The following VTA1 variants were observed in gnomAD, a reference collection of about 807,000 sequenced individuals.
VTA1 encodes the protein vesicle trafficking 1.
Under a neutral mutation model 36.9 loss-of-function variants are expected in VTA1, and 24 were observed. That is an observed-to-expected ratio of 0.65 (90% CI 0.47 to 0.91). The LOEUF is 0.91. Among genes scored for constraint, VTA1 ranks in the 40% least tolerant of loss-of-function variants. VTA1 has a pLI of 0.00. For synonymous variants in VTA1, 142 were observed against 130.2 expected, an observed-to-expected ratio of 1.09 and a Z score of -0.62; for missense variants, 393 against 377.2, an observed-to-expected ratio of 1.04 and a Z score of -0.35.
intron 7 of VTA1, among the ~76,000 whole-genome samples, chr6:142,217,667 T>G (rs1219004208): frequency 6.6e-6 from 1 of 152,026 alleles, no homozygotes; most frequent in Non-Finnish European, 1.5e-5. Context: ...TTGAAATATG[T>G]TGTCTGCTTG....
intron 1 of VTA1, among the ~76,000 whole-genome samples, chr6:142,160,573 T>G (rs942182959): frequency 3.9e-5 from 6 of 152,062 alleles, no homozygotes; most frequent in Non-Finnish European, 7.4e-5. Context: ...AGAGGACTGT[T>G]TTCTGCTTGG....
At chr6:142,174,758 G>A (rs575545694) in intron 4 of VTA1, among the ~76,000 whole-genome samples, 9 of 152,240 alleles carry the variant, frequency 5.9e-5, no homozygotes, top group African/African-American at 1.2e-4. Flanking sequence ...GAATGGCTTG[G>A]TGCCCTCCCC....
intron 5 of VTA1, among the ~76,000 whole-genome samples, chr6:142,195,064 A>G (rs1176785760): frequency 6.6e-6 from 1 of 152,114 alleles, no homozygotes; most frequent in Non-Finnish European, 1.5e-5. Flanking sequence ...ACATTTCAGT[A>G]TTGGTGAGGT....
chr6:142,213,852 C>T (rs566532411), intron 7 of VTA1, among the ~76,000 whole-genome samples: 1 of 152,294 alleles, frequency 6.6e-6, no homozygotes, highest in South Asian at 2.1e-4. Flanking sequence ...CCTTCTAGAT[C>T]TCCAACCTGT....
intron 6 of VTA1, among the ~76,000 whole-genome samples, chr6:142,199,538 A>G (rs988664266): frequency 1.3e-5 from 2 of 151,830 alleles, no homozygotes; most frequent in African/African-American, 4.8e-5. Context: ...ACACACTACT[A>G]CTTTACTTTT....
chr6:142,155,826 T>G (rs1778651562), intron 1 of VTA1, among the ~76,000 whole-genome samples: 1 of 152,136 alleles, frequency 6.6e-6, no homozygotes, highest in Admixed American at 6.5e-5. Flanking sequence ...AGTTTTAAGG[T>G]GTTTCTTTTT....
intron 4 of VTA1, among the ~76,000 whole-genome samples, chr6:142,185,674 A>G (rs949681767): frequency 2.0e-5 from 3 of 152,238 alleles, no homozygotes; most frequent in Non-Finnish European, 4.4e-5. Flanking sequence ...AAAGGAAGAA[A>G]AAGGTGAACC....
At chr6:142,163,885 A>G (rs1774861836) in intron 1 of VTA1, among the ~76,000 whole-genome samples, 1 of 152,146 alleles carries the variant, frequency 6.6e-6, no homozygotes, top group South Asian at 2.1e-4. Flanking sequence ...TTGATGTACT[A>G]ATACTGTATT....
rs371898213 is a variant in VTA1 at position 142,199,138 on chromosome 6, AT to A, written c.697+535del. On this transcript the variant is annotated intron_variant, in intron 6 of 7. Transcript: ENST00000367630. ...TAGACAGGTGAAAGCAGGGATTCGGATTTTTTTTTTTTAACCTTACACTTTA... is the reference window on the plus strand; with the variant it reads ...TAGACAGGTGAAAGCAGGGATTCGGATTTTTTTTTTTAACCTTACACTTTA... Among the ~76,000 whole-genome samples, 641 of 148,298 alleles carry A rather than the reference AT, an allele frequency of 4.3e-3. 4 individuals are homozygous for A. Among genetic ancestry groups the A allele is most frequent in the African/African-American group, 0.013 (527 of 40,382 alleles).
At chr6:142,198,239 C>T (rs1201725597) in intron 5 of VTA1, among the ~76,000 whole-genome samples, 200 bp from the exon 6 acceptor site, 2 of 150,078 alleles carry the variant, frequency 1.3e-5, no homozygotes, top group African/African-American at 4.9e-5. Flanking sequence ...AAGTGATAAT[C>T]ATATTGTCAG....
intron 4 of VTA1, among the ~76,000 whole-genome samples, chr6:142,171,766 G>A (rs1366292958): frequency 6.6e-6 from 1 of 151,966 alleles, no homozygotes; most frequent in Non-Finnish European, 1.5e-5. Context: ...AACACTATGG[G>A]CAATGTTTTT....
At chr6:142,199,612 A>G (rs1047960374) in intron 6 of VTA1, among the ~76,000 whole-genome samples, 1 of 152,124 alleles carries the variant, frequency 6.6e-6, no homozygotes, top group African/African-American at 2.4e-5. Flanking sequence ...GAATTACATT[A>G]TATGCAAGTT....
At chr6:142,165,496 T>C (rs1351962933) in intron 1 of VTA1, among the ~76,000 whole-genome samples, 1 of 152,234 alleles carries the variant, frequency 6.6e-6, no homozygotes, top group Non-Finnish European at 1.5e-5. Context: ...TAATGAAAAT[T>C]TGAGAGCTAC....
At chr6:142,148,292 CCT>C (rs1452379826) in intron 1 of VTA1, among the ~76,000 whole-genome samples, 2 of 152,094 alleles carry the variant, frequency 1.3e-5, no homozygotes, top group Non-Finnish European at 2.9e-5. Context: ...CCAAATGTAC[CCT>C]GTTTCTCAAA....
rs1043705537 is a variant in VTA1 at position 142,218,738 on chromosome 6, A to G, written c.*95A>G. 3 of 1,408,406 alleles carry G rather than the reference A, an allele frequency of 2.1e-6. No homozygotes were observed. In the African/African-American group the frequency reaches 4.4e-5, roughly 21 times the overall value. The allele number at this position is 1,408,406 out of a possible 1,614,324, so 87.2% of individuals were successfully genotyped here. A position where few individuals can be genotyped will look rare whatever the true frequency, so the allele number is the denominator to read the frequency against. ...TATCAGGATCACAGTTTTAAGGAAG[A>G]CTTGGTTTTGTTGAATATGACAATG... On this transcript the variant is annotated 3_prime_UTR_variant, in exon 8 of 8. Coordinates refer to ENST00000367630, the MANE Select transcript of VTA1 (RefSeq NM_016485.5).
intron 5 of VTA1, among the ~76,000 whole-genome samples, chr6:142,196,030 C>T (rs541237975): frequency 4.7e-4 from 72 of 152,208 alleles, no homozygotes; most frequent in African/African-American, 1.7e-3. Flanking sequence ...TCTGTTAAAT[C>T]TCCAAGTACA....
intron 6 of VTA1, among the ~76,000 whole-genome samples, chr6:142,203,586 C>T (rs926227678): frequency 1.3e-5 from 2 of 151,986 alleles, no homozygotes; most frequent in Non-Finnish European, 2.9e-5. Context: ...TAGAAAATTA[C>T]AAATGTTAAT....
intron 4 of VTA1, among the ~76,000 whole-genome samples, chr6:142,176,896 C>CT (rs2114652130): frequency 6.6e-6 from 1 of 152,198 alleles, no homozygotes; most frequent in Non-Finnish European, 1.5e-5. Context: ...CAGGGCTGCA[C>CT]ATTTACTGAG....
At chr6:142,179,100 CAAAA>C (rs979112682) in intron 4 of VTA1, among the ~76,000 whole-genome samples, 5 of 151,406 alleles carry the variant, frequency 3.3e-5, no homozygotes, top group Non-Finnish European at 7.4e-5. Flanking sequence ...CAAAAATCAA[CAAAA>C]AAAGAAAAAT....
Sources: gnomAD v4.1 joint callset for allele counts (sites outside exome capture counted in the v4.1 genomes callset) on GRCh38, gnomAD v4.1.1 for gene constraint, MANE v1.5 for transcripts, NCBI Gene and HGNC (gene_info 2026-07-23, HGNC 2026-07-21) for gene names.